Variants in KCNJ2 observed in about 807,000 individuals in gnomAD.
The protein encoded by KCNJ2 is inward rectifier potassium channel 2.
A neutral mutation model predicts 28.4 loss-of-function variants in KCNJ2; 12 were observed. That is an observed-to-expected ratio of 0.42 (90% CI 0.27 to 0.68). KCNJ2 has a LOEUF of 0.68. KCNJ2 is among the 30% of genes least tolerant of loss of function. The pLI is 0.23. For synonymous variants in KCNJ2, 200 were observed against 203.2 expected, an observed-to-expected ratio of 0.98 and a Z score of 0.13; for missense variants, 320 against 551.3, an observed-to-expected ratio of 0.58 and a Z score of 4.20.
intron 1 of KCNJ2, among the ~76,000 whole-genome samples, chr17:70,171,641 A>G (rs948249066): frequency 4.6e-5 from 7 of 152,146 alleles, no homozygotes; most frequent in African/African-American, 1.4e-4. Context: ...ATTTATCCAT[A>G]GCTCTTTCTC....
intron 1 of KCNJ2, among the ~76,000 whole-genome samples, chr17:70,172,105 C>A (rs1240352486): frequency 6.6e-6 from 1 of 151,878 alleles, no homozygotes; most frequent in Non-Finnish European, 1.5e-5. Flanking sequence ...TAAAGTCGCT[C>A]AGGCATGTGG....
chr17:70,174,944 G>T lies in KCNJ2; in HGVS notation c.-96G>T. The T allele has an allele frequency of 1.6e-6, 2 of 1,212,520 alleles. No individual in the cohort carries two copies. Among genetic ancestry groups the T allele is most frequent in the Non-Finnish European group, 2.4e-6 (2 of 839,772 alleles). 75.1% of individuals were successfully genotyped at this position (1,212,520 alleles called of 1,614,324 possible). On this transcript the variant is annotated 5_prime_UTR_variant, in exon 2 of 2. Coordinates refer to ENST00000243457, the MANE Select transcript of KCNJ2 (RefSeq NM_000891.3). ...CTCTCCTCATTTTTTTGGTGTGTGT[G>T]TCTTCACCGAACATTCAAAACTGTT...
At chr17:70,170,247 A>C (rs2074358159) in intron 1 of KCNJ2, among the ~76,000 whole-genome samples, 1 of 152,118 alleles carries the variant, frequency 6.6e-6, no homozygotes, top group Non-Finnish European at 1.5e-5. Flanking sequence ...TCCTGAAAGA[A>C]GAGCGGGAGC....
intron 1 of KCNJ2, among the ~76,000 whole-genome samples, chr17:70,172,190 G>C (rs2074368225): frequency 6.6e-6 from 1 of 151,420 alleles, no homozygotes; most frequent in Non-Finnish European, 1.5e-5. Flanking sequence ...ACAGGTTCTA[G>C]ACTTTAGCTA....
rs1166497262 is a variant in KCNJ2, at chr17:70,175,300, C to T, written c.261C>T (p.Ile87=). ...TTCGCTGGCGGTGGATGCTGGTTAT[C>T]TTCTGCCTGGCTTTCGTCCTGTCAT... ...VDIRWRWMLV[I]FCLAFVLSWL... Residue 87 remains isoleucine, a synonymous_variant, in exon 2 of 2, where the codon ATC becomes ATT. Coordinates refer to ENST00000243457, the MANE Select transcript of KCNJ2 (RefSeq NM_000891.3). This position sits in a 1 kb window ranked among gnomAD's most constrained non-coding sequence, Gnocchi z 8.3. 9 of 1,614,060 alleles carry T rather than the reference C, an allele frequency of 5.6e-6. No homozygotes were observed. The highest frequency in any genetic ancestry group is 6.8e-6 in the Non-Finnish European group (8 of 1,180,050).
rs1060500053 is a variant in KCNJ2 at position 70,175,721 on chromosome 17, C to T, written c.682C>T (p.Arg228Ter). ...AAGCCACTTGGTGGAAGCTCATGTT[C>T]GAGCACAGCTCCTCAAATCCAGAAT... ...RKSHLVEAHVRAQLLKSRITS... is the reference protein window; with the variant it reads ...RKSHLVEAHV The change falls in exon 2 of 2, where the codon CGA becomes TGA. Residue 228 changes from arginine to a stop codon, truncating the protein, a stop_gained. Coordinates refer to ENST00000243457, the MANE Select transcript of KCNJ2 (RefSeq NM_000891.3). LOFTEE classifies it high-confidence loss of function. The surrounding 1 kb of genome is among the most constrained non-coding windows in gnomAD (Gnocchi z 8.3). The T allele has an allele frequency of 3.7e-6, 6 of 1,614,160 alleles. No individual in the cohort carries two copies. Among genetic ancestry groups the T allele is most frequent in the South Asian group, 1.1e-5 (1 of 91,082 alleles).
chr17:70,174,349 G>A (rs987722545), intron 1 of KCNJ2, among the ~76,000 whole-genome samples: 1 of 152,134 alleles, frequency 6.6e-6, no homozygotes, highest in Non-Finnish European at 1.5e-5. Context: ...ATATTCTCCC[G>A]TAATGCACAT....
At chr17:70,174,433 CA>C (rs1297541803) in intron 1 of KCNJ2, among the ~76,000 whole-genome samples, 1 of 152,090 alleles carries the variant, frequency 6.6e-6, no homozygotes, top group African/African-American at 2.4e-5. Flanking sequence ...AATTTTACGA[CA>C]AACCTTGGAA....
At chr17:70,174,336 C>A (rs1346886643) in intron 1 of KCNJ2, among the ~76,000 whole-genome samples, 2 of 152,214 alleles carry the variant, frequency 1.3e-5, no homozygotes, top group African/African-American at 4.8e-5. Flanking sequence ...ATCAGGGACT[C>A]TAATATTCTC....
chr17:70,174,255 C>T (rs562578853), intron 1 of KCNJ2, among the ~76,000 whole-genome samples: 26 of 152,298 alleles, frequency 1.7e-4, no homozygotes, highest in Non-Finnish European at 2.9e-4. Flanking sequence ...TCTAGCATTT[C>T]GTCAGCCTAT....
In KCNJ2 at chr17:70,175,538, G is replaced by A. The variant is rs140147979; in HGVS notation, c.499G>A (p.Val167Met). Residue 167 changes from valine (V) to methionine (M), a missense_variant, in exon 2 of 2, where the codon GTG (valine) becomes ATG (methionine). Around this residue, in one of 3 missense-constraint regions of KCNJ2, gnomAD observed 111 missense variants for 256.7 expected, o/e 0.43. Coordinates refer to ENST00000243457, the MANE Select transcript of KCNJ2 (RefSeq NM_000891.3). This position sits in a 1 kb window ranked among gnomAD's most constrained non-coding sequence, Gnocchi z 8.3. ...TTTCATGGTGGTGTTCCAGTCAATC[G>A]TGGGCTGCATCATCGATGCTTTCAT... is the stretch of plus-strand genomic sequence containing the variant. ...AVFMVVFQSI[V>M]GCIIDAFIIG... The A allele has an allele frequency of 5.6e-6, 9 of 1,614,052 alleles. No individual in the cohort carries two copies. The highest frequency in any genetic ancestry group is 2.2e-5 in the East Asian group (1 of 44,890).
At chr17:70,172,358 T>C (rs1022628922) in intron 1 of KCNJ2, among the ~76,000 whole-genome samples, 2 of 149,874 alleles carry the variant, frequency 1.3e-5, no homozygotes, top group Non-Finnish European at 3.0e-5. Flanking sequence ...CCTCTTTTTC[T>C]CTTTCCAGGA....
intron 1 of KCNJ2, among the ~76,000 whole-genome samples, chr17:70,173,391 A>C (rs1207948781): frequency 6.6e-6 from 1 of 152,172 alleles, no homozygotes; most frequent in East Asian, 1.9e-4. Context: ...TCTTTTCATG[A>C]GTTATTCATT....
At position 70,176,369 on chromosome 17, in the gene KCNJ2, T is replaced by C. The variant is rs757621970; in HGVS notation, c.*46T>C. 6 of 1,572,400 alleles carry C rather than the reference T, an allele frequency of 3.8e-6. No homozygotes were observed. The South Asian group carries it at 6.6e-5, about 17-fold the overall frequency. On this transcript the variant is annotated 3_prime_UTR_variant, in exon 2 of 2. Transcript: ENST00000243457. The stretch of plus-strand genomic sequence containing the variant: ...AATAGTTACTTTACAACACGGTCTG[T>C]TGGTCAGAGGCCCAAAACAGTTATA...
At position 70,176,566 on chromosome 17, in the gene KCNJ2, GT is replaced by G. The variant is rs1360621578; in HGVS notation, c.*247del. On this transcript the variant is annotated 3_prime_UTR_variant, in exon 2 of 2. Transcript: ENST00000243457. ...TGTAGAATAAGTTATGGGTTTTTATGTTTTGTTTTGTGTTTTTCCAAAACTT... is the reference window on the plus strand; with the variant it reads ...TGTAGAATAAGTTATGGGTTTTTATGTTTGTTTTGTGTTTTTCCAAAACTT... The G allele has an allele frequency of 3.6e-6, 2 of 562,220 alleles. No individual in the cohort carries two copies. Among genetic ancestry groups the G allele is most frequent in the Non-Finnish European group, 6.5e-6 (2 of 305,954 alleles). The allele number at this position is 562,220 out of a possible 1,614,324, so 34.8% of individuals were successfully genotyped here.
Position 70,178,758 on chromosome 17 carries a change from T to A in KCNJ2, c.*2435T>A, listed in dbSNP as rs2074410127. On this transcript the variant is annotated 3_prime_UTR_variant, in exon 2 of 2. Transcript: ENST00000243457. ...GCACAGGTTTGTTTTTTCAAGAAAA[T>A]TTTGCAGAAGCTATGTTTTTAAAGT... 1 of 166,738 alleles carries A rather than the reference T, an allele frequency of 6.0e-6. No homozygotes were observed. Among genetic ancestry groups the A allele is most frequent in the Non-Finnish European group, 1.5e-5 (1 of 68,080 alleles). The allele number at this position is 166,738 out of a possible 1,614,324, so 10.3% of individuals were successfully genotyped here.
At chr17:70,172,337 A>AAC (rs2074369702) in intron 1 of KCNJ2, among the ~76,000 whole-genome samples, 2 of 133,036 alleles carry the variant, frequency 1.5e-5, no homozygotes, top group East Asian at 4.4e-4. Flanking sequence ...AAAAAAAAAA[A>AAC]GCCCAAAACT....
intron 1 of KCNJ2, among the ~76,000 whole-genome samples, 184 bp from the exon 2 acceptor site, chr17:70,174,640 T>A (rs1423068897): frequency 6.6e-6 from 1 of 152,370 alleles, no homozygotes; most frequent in Admixed American, 6.5e-5. Context: ...AACGACTTTA[T>A]GCTTTTAAAT....
chr17:70,176,530 C>T lies in KCNJ2; in HGVS notation c.*207C>T. On this transcript the variant is annotated 3_prime_UTR_variant, in exon 2 of 2. Coordinates refer to ENST00000243457, the MANE Select transcript of KCNJ2 (RefSeq NM_000891.3). ...ACCATGTCTCCATGTGACCCGATGG[C>T]ACATAGATGTTGTAGAATAAGTTAT... The T allele has an allele frequency of 1.6e-6, 1 of 623,826 alleles. No individual in the cohort carries two copies. Among genetic ancestry groups the T allele is most frequent in the South Asian group, 1.9e-5 (1 of 52,622 alleles). 38.6% of individuals were successfully genotyped at this position (623,826 alleles called of 1,614,324 possible).
Sources: allele counts gnomAD v4.1 joint callset (sites outside exome capture counted in the v4.1 genomes callset), GRCh38; gene constraint gnomAD v4.1.1; regional missense constraint gnomAD v4.1.1; non-coding constraint Gnocchi (gnomAD v3.1); transcripts MANE v1.5; gene names NCBI Gene and HGNC (gene_info 2026-07-23, HGNC 2026-07-21).